LDHC: variants seen among roughly 807,000 people sequenced by gnomAD.
LDHC encodes lactate dehydrogenase C, also known as L-lactate dehydrogenase C chain.
Under a neutral mutation model 30.2 loss-of-function variants are expected in LDHC, and 20 were observed. The ratio of observed to expected loss-of-function variants is 0.66; its 90% CI spans 0.47 to 0.96. LDHC has a LOEUF of 0.96. Ranked by LOEUF, LDHC falls within the 40% of genes least tolerant of loss-of-function variation. LDHC has a pLI of 0.00. For missense variants in LDHC, 362 were observed against 394.9 expected (o/e 0.92, Z 0.71); for synonymous variants, 139 against 132.7 (o/e 1.05, Z -0.32).
rs75428195 is a variant in LDHC at position 18,412,469 on chromosome 11, G to C, written c.-10+61G>C. On this transcript the variant is annotated intron_variant, in intron 1 of 7. Coordinates refer to ENST00000541669, the MANE Select transcript of LDHC (RefSeq NM_017448.5). ...TGCGCCAAGCAAAGCATTTGTGAGC[G>C]TGTGGTGCTGGGGTGAAAGTGGTGG... 7.6e-3 allele frequency: 3,167 copies of C among 416,666 alleles called. 90 individuals carry two copies. The highest frequency in any genetic ancestry group is 0.058 in the African/African-American group (2,865 of 49,504). 25.8% of individuals were successfully genotyped at this position (416,666 alleles called of 1,614,324 possible).
intron 5 of LDHC, among the ~76,000 whole-genome samples, chr11:18,437,374 A>G (rs547499521): frequency 3.3e-5 from 5 of 152,234 alleles, no homozygotes; most frequent in African/African-American, 1.2e-4. Flanking sequence ...TATTTCTTAC[A>G]TTTCCCTCTT....
At chr11:18,424,538 C>T (rs1235399820) in intron 3 of LDHC, among the ~76,000 whole-genome samples, 1 of 152,012 alleles carries the variant, frequency 6.6e-6, no homozygotes, top group African/African-American at 2.4e-5. Context: ...TTGTAGTAGC[C>T]CCAAACTGTA....
intron 6 of LDHC, among the ~76,000 whole-genome samples, chr11:18,439,127 A>AC (rs200554355): frequency 0.013 from 2,028 of 152,330 alleles, 48 homozygotes; most frequent in African/African-American, 0.046. Context: ...ATGAAACATT[A>AC]AGCTAATGCA....
At chr11:18,422,280 G>A (rs1200350804) in intron 3 of LDHC, among the ~76,000 whole-genome samples, 1 of 151,908 alleles carries the variant, frequency 6.6e-6, no homozygotes, top group Non-Finnish European at 1.5e-5. Context: ...TCAAGGCCGG[G>A]CACGATGGCC....
Position 18,418,668 on chromosome 11 carries a change from C to T in LDHC, c.244+3367C>T, listed in dbSNP as rs192077388. On this transcript the variant is annotated intron_variant, in intron 3 of 7. Transcript: ENST00000541669. ...TCTCGAATGCCTGACCTCAAGCGAT[C>T]CACCTGCCTCGGCCTCCCAAAGTGC... Among the ~76,000 whole-genome samples the T allele has an allele frequency of 3.7e-4, 57 of 152,134 alleles. 1 individual carries two copies. Among genetic ancestry groups the T allele is most frequent in the African/African-American group, 1.3e-3 (55 of 41,472 alleles).
intron 3 of LDHC, among the ~76,000 whole-genome samples, chr11:18,426,263 A>C (rs553771098): frequency 6.6e-6 from 1 of 152,222 alleles, no homozygotes; most frequent in African/African-American, 2.4e-5. Flanking sequence ...GTGGTGGCTC[A>C]CGCCTGTAAT....
chr11:18,430,537 T>G (rs1046324163), intron 4 of LDHC, among the ~76,000 whole-genome samples: 1 of 152,092 alleles, frequency 6.6e-6, no homozygotes, highest in Non-Finnish European at 1.5e-5. Flanking sequence ...AATTTTCATA[T>G]TTTTGGTAGA....
At position 18,435,418 on chromosome 11, in the gene LDHC, G is replaced by A. The variant is rs116184043; in HGVS notation, c.592+505G>A. ...AAAAGTGTGTGGCACCCCCCTCCCCGACCCCCGCTGTAGCCATATAAGACT... is the reference window on the plus strand; with the variant it reads ...AAAAGTGTGTGGCACCCCCCTCCCCAACCCCCGCTGTAGCCATATAAGACT... On this transcript the variant is annotated intron_variant, in intron 5 of 7. Coordinates refer to ENST00000541669, the MANE Select transcript of LDHC (RefSeq NM_017448.5). 3.7e-3 allele frequency among the ~76,000 whole-genome samples: 558 copies of A among 150,636 alleles called. 8 individuals are homozygous for A. The highest frequency in any genetic ancestry group is 0.013 in the African/African-American group (537 of 41,052).
chr11:18,415,936 C>T (rs1164161357), intron 3 of LDHC, among the ~76,000 whole-genome samples: 1 of 152,164 alleles, frequency 6.6e-6, no homozygotes, highest in Non-Finnish European at 1.5e-5. Context: ...TTCAGGTGAT[C>T]CACTTGCCTC....
intron 4 of LDHC, among the ~76,000 whole-genome samples, chr11:18,434,072 T>G (rs1395443371): frequency 6.6e-6 from 1 of 152,148 alleles, no homozygotes; most frequent in Non-Finnish European, 1.5e-5. Context: ...CTGAATTTCT[T>G]TCTTCTACTT....
chr11:18,427,633 C>A (rs1272221561), intron 3 of LDHC, among the ~76,000 whole-genome samples: 1 of 148,510 alleles, frequency 6.7e-6, no homozygotes, highest in Non-Finnish European at 1.5e-5. Context: ...GAAAATCTGA[C>A]ATAAAAATAA....
intron 3 of LDHC, among the ~76,000 whole-genome samples, chr11:18,424,059 A>G (rs2134052911): frequency 6.6e-6 from 1 of 151,998 alleles, no homozygotes; most frequent in East Asian, 1.9e-4. Flanking sequence ...GCTCTCACAC[A>G]CAGCATATAG....
intron 5 of LDHC, among the ~76,000 whole-genome samples, chr11:18,436,283 A>G (rs966631211): frequency 6.6e-6 from 1 of 151,992 alleles, no homozygotes; most frequent in South Asian, 2.1e-4. Flanking sequence ...TATTAATTTG[A>G]ACATGTTTAG....
intron 3 of LDHC, 88 bp from the exon 4 acceptor site, chr11:18,429,649 C>T: frequency 1.5e-6 from 1 of 689,600 alleles, no homozygotes; most frequent in Non-Finnish European, 2.4e-6. Flanking sequence ...TAATATAATA[C>T]TAAGAACATA....
intron 3 of LDHC, among the ~76,000 whole-genome samples, chr11:18,415,664 TC>T (rs1179099488): frequency 6.6e-6 from 1 of 152,088 alleles, no homozygotes; most frequent in East Asian, 1.9e-4. Flanking sequence ...ACTCCTGACC[TC>T]AGGTGATTGG....
At chr11:18,445,458 A>G (rs1848539758) in intron 6 of LDHC, among the ~76,000 whole-genome samples, 1 of 152,088 alleles carries the variant, frequency 6.6e-6, no homozygotes, top group Non-Finnish European at 1.5e-5. Context: ...CGGCCTCCCA[A>G]AGTTCTGGGA....
intron 3 of LDHC, among the ~76,000 whole-genome samples, chr11:18,428,584 C>T (rs1390091752): frequency 6.6e-6 from 1 of 151,894 alleles, no homozygotes; most frequent in Non-Finnish European, 1.5e-5. Context: ...TTAAAAAAGT[C>T]CAGTATGAAG....
chr11:18,430,283 CT>C (rs1848242640), intron 4 of LDHC, among the ~76,000 whole-genome samples: 1 of 152,002 alleles, frequency 6.6e-6, no homozygotes, highest in Non-Finnish European at 1.5e-5. Flanking sequence ...CATATTGTTC[CT>C]TTTTTAGTGC....
intron 4 of LDHC, among the ~76,000 whole-genome samples, chr11:18,433,937 C>T (rs988301649): frequency 3.9e-5 from 6 of 152,224 alleles, no homozygotes; most frequent in South Asian, 2.1e-4. Context: ...TCAGGAACAC[C>T]GATTATTCTT....
Sources: gnomAD v4.1 joint callset for allele counts (sites outside exome capture counted in the v4.1 genomes callset) on GRCh38, gnomAD v4.1.1 for gene constraint, MANE v1.5 for transcripts, NCBI Gene and HGNC (gene_info 2026-07-23, HGNC 2026-07-21) for gene names.